Variants in RYR3 observed in about 807,000 individuals in gnomAD.
The protein encoded by RYR3 is brain ryanodine receptor-calcium release channel.
RYR3 carries 207 observed loss-of-function variants against 584.3 expected under a neutral mutation model. The observed-to-expected ratio is 0.35, with a 90% CI of 0.32 to 0.40. The LOEUF is 0.40. Among genes scored for constraint, RYR3 ranks in the 10% least tolerant of loss-of-function variants. The probability of loss-of-function intolerance (pLI) is 1.00; values close to 1 mark genes in which losing one functional copy is unlikely to be tolerated. For missense variants in RYR3, 5,616 were observed against 6,089.2 expected (o/e 0.92, Z 2.59); for synonymous variants, 2,416 against 2,248.5 (o/e 1.07, Z -2.11).
chr15:33,520,714 A>C (rs8026464), intron 3 of RYR3, among the ~76,000 whole-genome samples: 88,777 of 150,440 alleles, frequency 0.59, 26,404 homozygotes, highest in East Asian at 0.73. Flanking sequence ...CACCATAATA[A>C]GAAACATGTG....
At chr15:33,646,884 G>A (rs1350905809) in intron 29 of RYR3, among the ~76,000 whole-genome samples, 1 of 152,154 alleles carries the variant, frequency 6.6e-6, no homozygotes, top group Non-Finnish European at 1.5e-5. Flanking sequence ...GAAGTTTCTG[G>A]AGGCAGATAC....
chr15:33,674,116 C>G (rs2064013177), intron 38 of RYR3, among the ~76,000 whole-genome samples: 2 of 152,330 alleles, frequency 1.3e-5, no homozygotes, highest in Admixed American at 6.5e-5. Context: ...TACCTCTTGC[C>G]TATTCACTGA....
chr15:33,413,338 G>T (rs2043543500), intron 1 of RYR3, among the ~76,000 whole-genome samples: 1 of 152,200 alleles, frequency 6.6e-6, no homozygotes, highest in East Asian at 1.9e-4. Context: ...GCTATAATAA[G>T]TGTGACTTCC....
At chr15:33,524,477 G>A (rs543422796) in intron 3 of RYR3, among the ~76,000 whole-genome samples, 5 of 152,210 alleles carry the variant, frequency 3.3e-5, no homozygotes, top group South Asian at 4.2e-4. Flanking sequence ...CTATTATAAT[G>A]CTCTTATCAC....
At chr15:33,688,756 G>A (rs2152751924) in intron 38 of RYR3, among the ~76,000 whole-genome samples, 1 of 152,174 alleles carries the variant, frequency 6.6e-6, no homozygotes, top group East Asian at 1.9e-4. Flanking sequence ...GAGAAACAGG[G>A]ATGCTTTTAC....
chr15:33,581,779 C>T lies in RYR3; in HGVS notation c.1573+136C>T, dbSNP rs1226565358. The T allele has an allele frequency of 2.3e-5, 17 of 754,392 alleles. No individual in the cohort carries two copies. In the South Asian group the frequency reaches 2.4e-4, roughly 11 times the overall value. 46.7% of individuals were successfully genotyped at this position (754,392 alleles called of 1,614,324 possible). Reference sequence around the variant, plus strand: ...CATTCCTTAGAAGTCTTTTGTTAACCATTCAATTTTAACCCAGCTGTTCAT... The same window carrying T: ...CATTCCTTAGAAGTCTTTTGTTAACTATTCAATTTTAACCCAGCTGTTCAT... On this transcript the variant is annotated intron_variant, in intron 14 of 103. Coordinates refer to ENST00000634891, the MANE Select transcript of RYR3 (RefSeq NM_001036.6).
intron 20 of RYR3, 103 bp from the exon 21 acceptor site, chr15:33,628,368 C>G: frequency 1.4e-6 from 1 of 733,620 alleles, no homozygotes; most frequent in South Asian, 1.7e-5. Context: ...TACTGCAGCT[C>G]CTCCTGGGTG....
At chr15:33,819,615 A>T in intron 76 of RYR3, 141 bp from the exon 77 acceptor site, 1 of 379,246 alleles carries the variant, frequency 2.6e-6, no homozygotes, top group Non-Finnish European at 4.2e-6. Flanking sequence ...CGGAGGTTGC[A>T]GTGAGCCGAG....
intron 98 of RYR3, 34 bp downstream of exon 98, chr15:33,854,946 C>T: frequency 6.3e-7 from 1 of 1,581,590 alleles, no homozygotes; most frequent in Non-Finnish European, 8.6e-7. Flanking sequence ...CAGAATGGAC[C>T]TGTATATGCA....
intron 1 of RYR3, among the ~76,000 whole-genome samples, chr15:33,383,522 C>T (rs1262867220): frequency 6.6e-6 from 1 of 151,776 alleles, no homozygotes. Flanking sequence ...TTTCAAACTA[C>T]GAGAGTCCAC....
chr15:33,461,904 A>G (rs1302130241), intron 1 of RYR3, among the ~76,000 whole-genome samples: 4 of 152,204 alleles, frequency 2.6e-5, no homozygotes, highest in African/African-American at 9.6e-5. Context: ...ATGAAGGTGG[A>G]TGCCATGCCT....
intron 25 of RYR3, 78 bp downstream of exon 25, chr15:33,634,811 G>A (rs1426838812): frequency 2.5e-6 from 3 of 1,216,658 alleles, no homozygotes; most frequent in Non-Finnish European, 2.4e-6. Context: ...ACTTCAAATA[G>A]GTCTAACTTG....
In RYR3 at chr15:33,726,401, A is replaced by G. The variant is rs1206613224; in HGVS notation, c.6928A>G (p.Lys2310Glu). 1 of 1,613,138 alleles carries G rather than the reference A, an allele frequency of 6.2e-7. No individual in the cohort carries two copies. The highest frequency in any genetic ancestry group is 8.5e-7 in the Non-Finnish European group (1 of 1,179,654). ...APEMHLIQTG[K>E]GEAIRIRSIL... ...TATCTTCCAGCTCATCCAGACAGGAAAGGGGGAAGCCATCCGCATCAGGTC... is the reference window on the plus strand; with the variant it reads ...TATCTTCCAGCTCATCCAGACAGGAGAGGGGGAAGCCATCCGCATCAGGTC... Residue 2310 changes from lysine to glutamate, a missense_variant, in exon 46 of 104, where the codon AAG becomes GAG. This residue lies in a region of RYR3 where 1,280 missense variants were observed against 1,426.2 expected (regional missense o/e 0.90). Transcript: ENST00000634891.
At chr15:33,621,871 C>T (rs148744221) in intron 19 of RYR3, among the ~76,000 whole-genome samples, 174 of 152,252 alleles carry the variant, frequency 1.1e-3, no homozygotes, top group African/African-American at 4.0e-3. Flanking sequence ...TCTTGTAAGG[C>T]TGCCCTACCA....
chr15:33,381,627 C>G (rs2041197802), intron 1 of RYR3, among the ~76,000 whole-genome samples: 1 of 152,200 alleles, frequency 6.6e-6, no homozygotes, highest in Admixed American at 6.5e-5. Context: ...CCTACCACTC[C>G]TTGAAATCAT....
chr15:33,644,185 G>A lies in RYR3; in HGVS notation c.3557-126G>A, dbSNP rs528995264. ...TATGTGCCAGGAAGAAAGAAAGAAAGAACGGGTTGTGTCACATCTTTCCTA... is the reference window on the plus strand; with the variant it reads ...TATGTGCCAGGAAGAAAGAAAGAAAAAACGGGTTGTGTCACATCTTTCCTA... On this transcript the variant is annotated intron_variant, in intron 27 of 103. Transcript: ENST00000634891. 24 of 692,334 alleles carry A rather than the reference G, an allele frequency of 3.5e-5. No individual in the cohort carries two copies. In the African/African-American group the frequency reaches 4.3e-4, roughly 12 times the overall value. 42.9% of individuals were successfully genotyped at this position (692,334 alleles called of 1,614,324 possible).
chr15:33,418,223 C>T (rs769726222), intron 1 of RYR3, among the ~76,000 whole-genome samples: 25 of 151,642 alleles, frequency 1.6e-4, no homozygotes, highest in Non-Finnish European at 2.5e-4. Context: ...CCCTCTTCCT[C>T]GATTTTTTGG....
chr15:33,662,064 C>A, intron 34 of RYR3, 89 bp from the exon 35 acceptor site: 1 of 1,122,758 alleles, frequency 8.9e-7, no homozygotes, highest in Non-Finnish European at 1.3e-6. Flanking sequence ...ACCTTCCACC[C>A]ACCCTGCCTT....
At chr15:33,856,360 G>C (rs952223863) in intron 98 of RYR3, 2 of 152,202 alleles carry the variant, frequency 1.3e-5, no homozygotes, top group African/African-American at 4.8e-5. Flanking sequence ...TGATCCTGTT[G>C]ATCTTCCTAT....
Sources: allele counts gnomAD v4.1 joint callset (sites outside exome capture counted in the v4.1 genomes callset), GRCh38; gene constraint gnomAD v4.1.1; regional missense constraint gnomAD v4.1.1; transcripts MANE v1.5; gene names NCBI Gene and HGNC (gene_info 2026-07-23, HGNC 2026-07-21).